The following MTRF1 variants were observed in gnomAD, a reference collection of about 807,000 sequenced individuals.
MTRF1 encodes mitochondrial translation release factor 1, also known as peptide chain release factor 1, mitochondrial.
A neutral mutation model predicts 62.9 loss-of-function variants in MTRF1; 51 were observed. The ratio of observed to expected loss-of-function variants is 0.81; its 90% CI spans 0.65 to 1.02. The LOEUF is 1.02. Among genes scored for constraint, MTRF1 ranks in the 50% least tolerant of loss-of-function variants. MTRF1 has a pLI of 0.00. For synonymous variants in MTRF1, 158 were observed against 181.9 expected, an observed-to-expected ratio of 0.87 and a Z score of 1.06; for missense variants, 446 against 530.0, an observed-to-expected ratio of 0.84 and a Z score of 1.56.
chr13:41,272,427 C>A, the MTRF1 span, among the ~76,000 whole-genome samples: 2 of 152,104 alleles, frequency 1.3e-5, no homozygotes, highest in Non-Finnish European at 2.9e-5. Flanking sequence ...TGTTTTTCCT[C>A]TTTTGCAGCT....
chr13:41,257,481 G>C (rs957985279), intron 2 of MTRF1, among the ~76,000 whole-genome samples: 1 of 152,184 alleles, frequency 6.6e-6, no homozygotes, highest in Non-Finnish European at 1.5e-5. Context: ...AAGAGCAGAG[G>C]CTTTGGAATC....
chr13:41,258,296 A>G (rs1483777803), intron 2 of MTRF1, among the ~76,000 whole-genome samples: 1 of 152,256 alleles, frequency 6.6e-6, no homozygotes, highest in Non-Finnish European at 1.5e-5. Context: ...AACAAAATGA[A>G]GCACAGAAGA....
At chr13:41,272,580 A>G in the MTRF1 span, among the ~76,000 whole-genome samples, 1 of 152,314 alleles carries the variant, frequency 6.6e-6, no homozygotes, top group African/African-American at 2.4e-5. Flanking sequence ...CAATATGATC[A>G]CATCACTGAG....
intron 5 of MTRF1, among the ~76,000 whole-genome samples, chr13:41,248,636 G>A (rs912419755): frequency 2.0e-5 from 3 of 152,148 alleles, no homozygotes; most frequent in Non-Finnish European, 4.4e-5. Context: ...GGGGCTTCCC[G>A]ACAAATATGT....
At chr13:41,230,738 T>TC (rs1483868191) in intron 7 of MTRF1, among the ~76,000 whole-genome samples, 1 of 151,720 alleles carries the variant, frequency 6.6e-6, no homozygotes, top group Non-Finnish European at 1.5e-5. Flanking sequence ...TTTTTTTTTT[T>TC]TGAGACTGAG....
At chr13:41,289,380 G>A in the MTRF1 span, among the ~76,000 whole-genome samples, 6 of 151,984 alleles carry the variant, frequency 3.9e-5, no homozygotes, top group Non-Finnish European at 7.4e-5. Context: ...TGGGGTTATA[G>A]GTATGTGCCA....
At chr13:41,280,575 TG>T in the MTRF1 span, among the ~76,000 whole-genome samples, 1 of 152,158 alleles carries the variant, frequency 6.6e-6, no homozygotes, top group African/African-American at 2.4e-5. Context: ...CTCTTTTCAT[TG>T]CCACACCTTT....
At chr13:41,219,991 T>C (rs1593531091) in intron 9 of MTRF1, among the ~76,000 whole-genome samples, 1 of 86,014 alleles carries the variant, frequency 1.2e-5, no homozygotes, top group African/African-American at 4.4e-5. Context: ...AGAGCAAACC[T>C]CTGTCTCAAA....
chr13:41,300,369 A>G, the MTRF1 span, among the ~76,000 whole-genome samples: 2 of 152,034 alleles, frequency 1.3e-5, no homozygotes, highest in Non-Finnish European at 2.9e-5. Context: ...GGCGGATCAC[A>G]AGGTCAGGAA....
chr13:41,219,008 AGG>A (rs1374401624), intron 9 of MTRF1, among the ~76,000 whole-genome samples: 1 of 152,230 alleles, frequency 6.6e-6, no homozygotes, highest in African/African-American at 2.4e-5. Flanking sequence ...CAGTGTGACT[AGG>A]CCAGGAGCAG....
chr13:41,279,081 C>T, the MTRF1 span, among the ~76,000 whole-genome samples: 25 of 152,256 alleles, frequency 1.6e-4, no homozygotes, highest in South Asian at 1.5e-3. Flanking sequence ...CTCTTTCTCC[C>T]GGGTTTAAGC....
chr13:41,246,229 T>C (rs764436830), intron 5 of MTRF1, among the ~76,000 whole-genome samples: 21 of 152,210 alleles, frequency 1.4e-4, no homozygotes, highest in Non-Finnish European at 2.6e-4. Context: ...ATGCAGGTTC[T>C]ATGGCAATTG....
upstream of MTRF1, among the ~76,000 whole-genome samples, chr13:41,266,967 A>T (rs2139248482): frequency 7.0e-6 from 1 of 141,850 alleles, no homozygotes; most frequent in African/African-American, 2.6e-5. Context: ...ACTGCACTCC[A>T]GCCTGGCCAA....
At chr13:41,281,964 G>A in the MTRF1 span, among the ~76,000 whole-genome samples, 6 of 151,902 alleles carry the variant, frequency 3.9e-5, no homozygotes, top group South Asian at 2.1e-4. Context: ...GTGAAACCCC[G>A]TCTCTACTAA....
the MTRF1 span, among the ~76,000 whole-genome samples, chr13:41,281,474 T>C: frequency 6.6e-6 from 1 of 152,158 alleles, no homozygotes; most frequent in Non-Finnish European, 1.5e-5. Context: ...GAAGGCCCAT[T>C]TGTAGTCCCG....
upstream of MTRF1, among the ~76,000 whole-genome samples, chr13:41,264,657 T>A (rs2040780413): frequency 6.6e-6 from 1 of 152,254 alleles, no homozygotes; most frequent in Non-Finnish European, 1.5e-5. Context: ...TAAATACTGT[T>A]CTAAATGGTT....
chr13:41,250,266 T>A (rs562423858), intron 5 of MTRF1, among the ~76,000 whole-genome samples: 1 of 152,146 alleles, frequency 6.6e-6, no homozygotes, highest in Non-Finnish European at 1.5e-5. Context: ...ACTGTCCTCA[T>A]CCTTTTTCTG....
At chr13:41,294,566 T>C in the MTRF1 span, among the ~76,000 whole-genome samples, 1 of 152,032 alleles carries the variant, frequency 6.6e-6, no homozygotes, top group Non-Finnish European at 1.5e-5. Flanking sequence ...GAGAGTGATA[T>C]GTGAAGAAAG....
At chr13:41,270,866 T>TTCA in the MTRF1 span, among the ~76,000 whole-genome samples, 6 of 152,104 alleles carry the variant, frequency 3.9e-5, no homozygotes, top group Admixed American at 2.0e-4. Context: ...GCCTCTCAAG[T>TTCA]AGCTGGGATT....
Sources: gnomAD v4.1 joint callset for allele counts (sites outside exome capture counted in the v4.1 genomes callset) on GRCh38, gnomAD v4.1.1 for gene constraint, MANE v1.5 for transcripts, NCBI Gene and HGNC (gene_info 2026-07-23, HGNC 2026-07-21) for gene names.